SDHAF3: variants seen among roughly 807,000 people sequenced by gnomAD.
The protein encoded by SDHAF3 is succinate dehydrogenase complex assembly factor 3.
In SDHAF3, 18 loss-of-function variants were observed where a neutral mutation model predicts 11.5. That is an observed-to-expected ratio of 1.56 (90% CI 1.08 to 2.32). The LOEUF (loss-of-function observed/expected upper bound fraction) is 2.32, where lower values mean the gene tolerates loss of function less well. Among genes scored for constraint, SDHAF3 ranks in the 30% most tolerant of loss-of-function variants. SDHAF3 has a pLI of 0.00. For missense variants in SDHAF3, 200 were observed against 154.4 expected, an observed-to-expected ratio of 1.30 and a Z score of -1.57; for synonymous variants, 72 against 59.3, an observed-to-expected ratio of 1.21 and a Z score of -0.99.
chr7:97,147,368 A>G (rs1789151946), intron 1 of SDHAF3, among the ~76,000 whole-genome samples: 1 of 152,220 alleles, frequency 6.6e-6, no homozygotes, highest in Non-Finnish European at 1.5e-5. Flanking sequence ...TCTTCTAGTT[A>G]TAAGCTTTGT....
chr7:97,136,792 T>C (rs1791778073), intron 1 of SDHAF3, among the ~76,000 whole-genome samples: 1 of 152,166 alleles, frequency 6.6e-6, no homozygotes, highest in South Asian at 2.1e-4. Context: ...TACTTACTAT[T>C]GTTTGATTAA....
At chr7:97,167,755 A>G (rs2115732185) in intron 1 of SDHAF3, among the ~76,000 whole-genome samples, 1 of 152,270 alleles carries the variant, frequency 6.6e-6, no homozygotes, top group South Asian at 2.1e-4. Flanking sequence ...GGGCCCACAG[A>G]TCAGATGAGC....
Position 97,181,500 on chromosome 7 carries a change from A to G in SDHAF3, c.*285A>G. 4.2e-6 allele frequency: 1 copy of G among 237,420 alleles called. No homozygotes were observed. The highest frequency in any genetic ancestry group is 8.2e-6 in the Non-Finnish European group (1 of 121,400). The allele number at this position is 237,420 out of a possible 1,614,324, so 14.7% of individuals were successfully genotyped here. Reference sequence around the variant, plus strand: ...AATGCTATTCTCATCCAGCCATATTAGTCTTCTGGCTTTTCTTTAGCTTCA... The same window carrying G: ...AATGCTATTCTCATCCAGCCATATTGGTCTTCTGGCTTTTCTTTAGCTTCA... On this transcript the variant is annotated 3_prime_UTR_variant, in exon 2 of 2. Transcript: ENST00000432641.
intron 1 of SDHAF3, among the ~76,000 whole-genome samples, chr7:97,119,381 A>T (rs1483184486): frequency 1.3e-5 from 2 of 152,182 alleles, no homozygotes; most frequent in South Asian, 4.1e-4. Context: ...GTTGTAGGAG[A>T]GAGAGAGGGT....
chr7:97,151,760 A>G (rs1789228414), intron 1 of SDHAF3, among the ~76,000 whole-genome samples: 1 of 151,974 alleles, frequency 6.6e-6, no homozygotes, highest in Non-Finnish European at 1.5e-5. Flanking sequence ...CGGCCTCCCA[A>G]AGTGCTGGGA....
intron 1 of SDHAF3, among the ~76,000 whole-genome samples, chr7:97,166,226 C>A (rs1270236892): frequency 1.3e-5 from 2 of 152,170 alleles, no homozygotes; most frequent in African/African-American, 4.8e-5. Context: ...CGTGACACAG[C>A]CTCAGGAGGT....
intron 1 of SDHAF3, among the ~76,000 whole-genome samples, chr7:97,172,746 A>G (rs914527078): frequency 1.3e-5 from 2 of 152,250 alleles, no homozygotes; most frequent in Admixed American, 1.3e-4. Context: ...TGATGAGGAA[A>G]TTACTGTGAA....
At chr7:97,129,967 T>C (rs1791641032) in intron 1 of SDHAF3, among the ~76,000 whole-genome samples, 1 of 152,114 alleles carries the variant, frequency 6.6e-6, no homozygotes, top group Non-Finnish European at 1.5e-5. Context: ...AGGCTGTGGC[T>C]GGACCAGGCA....
At chr7:97,127,096 C>A (rs1403034892) in intron 1 of SDHAF3, among the ~76,000 whole-genome samples, 1 of 152,190 alleles carries the variant, frequency 6.6e-6, no homozygotes, top group Non-Finnish European at 1.5e-5. Flanking sequence ...GGCAACACCC[C>A]ATGCTGCTTC....
intron 1 of SDHAF3, among the ~76,000 whole-genome samples, chr7:97,173,546 A>ATTTTT (rs10538365): frequency 7.4e-6 from 1 of 135,436 alleles, no homozygotes. Flanking sequence ...CAAAATTAGA[A>ATTTTT]TTTTTTTTTT....
Position 97,126,570 on chromosome 7 carries a change from T to C in SDHAF3, c.174+8673T>C, listed in dbSNP as rs192173970. ...GCCACAGCTGCTTTGCTGCGTTACG[T>C]TGAGTTCCTCCCAGTCCTTAGTACT... On this transcript the variant is annotated intron_variant, in intron 1 of 1. Coordinates refer to ENST00000432641, the MANE Select transcript of SDHAF3 (RefSeq NM_020186.3). 1.2e-4 allele frequency among the ~76,000 whole-genome samples: 19 copies of C among 152,222 alleles called. No homozygotes were observed. In the East Asian group the frequency reaches 3.5e-3, roughly 28 times the overall value.
chr7:97,181,295 A>G lies in SDHAF3; in HGVS notation c.*80A>G, dbSNP rs1449193482. ...TGTCATTGGTTTTTGAAATATATTT[A>G]AGCTTTGAAAACACCTGTTATTAAT... On this transcript the variant is annotated 3_prime_UTR_variant, in exon 2 of 2. Transcript: ENST00000432641. The G allele has an allele frequency of 9.4e-7, 1 of 1,060,796 alleles. No homozygotes were observed. The highest frequency in any genetic ancestry group is 1.6e-5 in the African/African-American group (1 of 61,892). The allele number at this position is 1,060,796 out of a possible 1,614,324, so 65.7% of individuals were successfully genotyped here. A position where few individuals can be genotyped will look rare whatever the true frequency, so the allele number is the denominator to read the frequency against.
chr7:97,152,940 A>G (rs527359928), intron 1 of SDHAF3, among the ~76,000 whole-genome samples: 218 of 152,336 alleles, frequency 1.4e-3, no homozygotes, highest in African/African-American at 4.9e-3. Context: ...CTGGGATTAC[A>G]GGCATGAACC....
Position 97,181,016 on chromosome 7 carries a change from A to ATGCAACAGCGTTAT in SDHAF3, c.188_201dup (p.Ala68ArgfsTer42), listed in dbSNP as rs1352833810. 12 of 1,612,890 alleles carry ATGCAACAGCGTTAT rather than the reference A, an allele frequency of 7.4e-6. No homozygotes were observed. The highest frequency in any genetic ancestry group is 1.3e-5 in the African/African-American group (1 of 74,858). ...CTTCATTCTTTATCTTTTTAGGTGTATGCAACAGCGTTATTGCAACAGGCT... is the reference window on the plus strand; with the variant it reads ...CTTCATTCTTTATCTTTTTAGGTGTATGCAACAGCGTTATTGCAACAGCGTTATTGCAACAGGCT... On this transcript the variant is annotated frameshift_variant, in exon 2 of 2. Coordinates refer to ENST00000432641, the MANE Select transcript of SDHAF3 (RefSeq NM_020186.3). LOFTEE classifies it high-confidence loss of function.
intron 1 of SDHAF3, among the ~76,000 whole-genome samples, chr7:97,154,544 G>T (rs1186736908): frequency 3.3e-5 from 5 of 151,856 alleles, no homozygotes; most frequent in Non-Finnish European, 5.9e-5. Flanking sequence ...CAGTTATGTG[G>T]TTTGCAAATA....
chr7:97,126,645 C>T (rs1375898824), intron 1 of SDHAF3, among the ~76,000 whole-genome samples: 1 of 152,090 alleles, frequency 6.6e-6, no homozygotes, highest in Non-Finnish European at 1.5e-5. Flanking sequence ...GATGCCCCTC[C>T]CCCCACCAAG....
chr7:97,139,621 T>C (rs1242097732), intron 1 of SDHAF3, among the ~76,000 whole-genome samples: 1 of 152,212 alleles, frequency 6.6e-6, no homozygotes, highest in African/African-American at 2.4e-5. Context: ...TGGTTTGAAA[T>C]TGAGGTTTCA....
intron 1 of SDHAF3, among the ~76,000 whole-genome samples, chr7:97,151,261 C>A (rs547742576): frequency 8.4e-4 from 128 of 152,140 alleles, no homozygotes; most frequent in African/African-American, 3.1e-3. Context: ...ACGAGAGTCT[C>A]ACAAAATAAA....
At chr7:97,127,026 TC>T (rs1433346408) in intron 1 of SDHAF3, among the ~76,000 whole-genome samples, 3 of 152,088 alleles carry the variant, frequency 2.0e-5, no homozygotes, top group Admixed American at 2.0e-4. Flanking sequence ...CCTCATGGCT[TC>T]CCTTGGCTGG....
Sources: gnomAD v4.1 joint callset for allele counts (sites outside exome capture counted in the v4.1 genomes callset) on GRCh38, gnomAD v4.1.1 for gene constraint, MANE v1.5 for transcripts, NCBI Gene and HGNC (gene_info 2026-07-23, HGNC 2026-07-21) for gene names.